PCDHGB1: variants seen among roughly 807,000 people sequenced by gnomAD.
PCDHGB1 encodes the protein protocadherin gamma subfamily B, 1.
Under a neutral mutation model 56.6 loss-of-function variants are expected in PCDHGB1, and 34 were observed. That is an observed-to-expected ratio of 0.60 (90% CI 0.46 to 0.80). The LOEUF (loss-of-function observed/expected upper bound fraction) is 0.80. PCDHGB1 is among the 30% of genes least tolerant of loss of function. PCDHGB1 has a pLI of 0.00. For missense variants in PCDHGB1, 1,278 were observed against 1,204.6 expected (o/e 1.06, Z -0.90); for synonymous variants, 561 against 505.9 (o/e 1.11, Z -1.46).
At chr5:141,480,525 A>G (rs191522157) in intron 1 of PCDHGB1, among the ~76,000 whole-genome samples, 131 of 152,310 alleles carry the variant, frequency 8.6e-4, no homozygotes, top group African/African-American at 2.6e-3. Context: ...AAAAATGACA[A>G]AGTAGAAGCA....
At chr5:141,399,739 C>T (rs774893843) in intron 1 of PCDHGB1, 2 of 1,613,218 alleles carry the variant, frequency 1.2e-6, no homozygotes, top group Non-Finnish European at 1.7e-6. Flanking sequence ...CTCGCCTGCG[C>T]TCAGCGCAAA....
intron 1 of PCDHGB1, among the ~76,000 whole-genome samples, chr5:141,482,791 G>T (rs1039924143): frequency 2.6e-5 from 4 of 152,168 alleles, no homozygotes; most frequent in African/African-American, 9.7e-5. Flanking sequence ...TGTGTGTGTG[G>T]CCGGGTACGG....
intron 3 of PCDHGB1, chr5:141,507,000 TGA>T (rs1235660361): frequency 1.3e-5 from 2 of 152,218 alleles, no homozygotes; most frequent in African/African-American, 4.8e-5. Flanking sequence ...ACTCGACAGA[TGA>T]GAGAACCGAG....
In PCDHGB1 at chr5:141,409,944, C is replaced by T. The variant is rs779095634; in HGVS notation, c.2409+57275C>T. The T allele has an allele frequency of 6.2e-7, 1 of 1,613,302 alleles. No individual in the cohort carries two copies. The highest frequency in any genetic ancestry group is 1.7e-5 in the Admixed American group (1 of 60,024). On this transcript the variant is annotated intron_variant, in intron 1 of 3. Transcript: ENST00000523390. ...GCGTTCTTCGATATGGTACCTCGCTCTGCAGAGCCCGGCTACCTAGTGACT... is the reference window on the plus strand; with the variant it reads ...GCGTTCTTCGATATGGTACCTCGCTTTGCAGAGCCCGGCTACCTAGTGACT...
At position 141,421,063 on chromosome 5, in the gene PCDHGB1, G is replaced by A. The variant is rs575695102; in HGVS notation, c.2409+68394G>A. 4.7e-4 allele frequency: 274 copies of A among 581,982 alleles called. 4 individuals are homozygous for A. The South Asian group carries it at 6.4e-3, about 14-fold the overall frequency. 36.1% of individuals were successfully genotyped at this position (581,982 alleles called of 1,614,324 possible). On this transcript the variant is annotated intron_variant, in intron 1 of 3. Transcript: ENST00000523390. ...CTCCCCCGCCTCTACCACACAAAGC[G>A]GAATGAGATGGATACTCACAGATCC... is the stretch of plus-strand genomic sequence containing the variant.
At chr5:141,375,047 C>T (rs201669950) in intron 1 of PCDHGB1, 1 of 1,613,958 alleles carries the variant, frequency 6.2e-7, no homozygotes, top group Non-Finnish European at 8.5e-7. Context: ...TGTTGAAGCC[C>T]GGGATGGGCC....
At chr5:141,435,919 T>C (rs2097786247) in intron 1 of PCDHGB1, among the ~76,000 whole-genome samples, 2 of 152,148 alleles carry the variant, frequency 1.3e-5, no homozygotes, top group South Asian at 4.1e-4. Flanking sequence ...GGCTCTAAAA[T>C]GCGGCAGTTG....
At chr5:141,438,282 T>C (rs915347472) in intron 1 of PCDHGB1, among the ~76,000 whole-genome samples, 1 of 151,630 alleles carries the variant, frequency 6.6e-6, no homozygotes, top group African/African-American at 2.4e-5. Context: ...CAAAATAATT[T>C]AATCTGTATG....
intron 1 of PCDHGB1, among the ~76,000 whole-genome samples, chr5:141,488,238 C>T (rs374846692): frequency 5.3e-5 from 8 of 152,036 alleles, no homozygotes; most frequent in Non-Finnish European, 1.0e-4. Flanking sequence ...GAACTAGATG[C>T]GGTAAATTGG....
intron 1 of PCDHGB1, chr5:141,394,355 G>C (rs767192511): frequency 4.3e-6 from 7 of 1,614,064 alleles, no homozygotes; most frequent in African/African-American, 1.3e-5. Context: ...CCGGTGTCCT[G>C]TATGCGCTGC....
chr5:141,422,568 C>T (rs372115955), intron 1 of PCDHGB1: 91 of 1,613,904 alleles, frequency 5.6e-5, no homozygotes, highest in Non-Finnish European at 7.5e-5. Flanking sequence ...CAGATGACAA[C>T]GATAACCCTC....
chr5:141,468,226 G>T (rs967204965), intron 1 of PCDHGB1, among the ~76,000 whole-genome samples: 2 of 151,038 alleles, frequency 1.3e-5, no homozygotes, highest in Admixed American at 1.3e-4. Flanking sequence ...TTGGGAGGAT[G>T]AGGTAGGAGA....
chr5:141,360,216 G>A (rs1471973434), intron 1 of PCDHGB1: 4 of 1,613,422 alleles, frequency 2.5e-6, no homozygotes, highest in Non-Finnish European at 3.4e-6. Flanking sequence ...TGTTCCCCGG[G>A]GCTCTCCCAG....
At position 141,486,464 on chromosome 5, in the gene PCDHGB1, G is replaced by A; in HGVS notation, c.2410-8343G>A. The A allele has an allele frequency of 1.2e-6, 2 of 1,614,034 alleles. No homozygotes were observed. Among genetic ancestry groups the A allele is most frequent in the Non-Finnish European group, 1.7e-6 (2 of 1,179,946 alleles). On this transcript the variant is annotated intron_variant, in intron 1 of 3. Transcript: ENST00000523390. This position sits in a 1 kb window ranked among gnomAD's most constrained non-coding sequence, Gnocchi z 5.0. ...CATCATGGTCACTGCTTCTGATGCTGGGAACCCTCCTCTCAGTACCCACAG... is the reference window on the plus strand; with the variant it reads ...CATCATGGTCACTGCTTCTGATGCTAGGAACCCTCCTCTCAGTACCCACAG...
At chr5:141,494,268 C>G (rs576129333) in intron 1 of PCDHGB1, among the ~76,000 whole-genome samples, 31 of 152,288 alleles carry the variant, frequency 2.0e-4, no homozygotes, top group African/African-American at 7.2e-4. Flanking sequence ...TTCTTGCAAG[C>G]CAAGGGCCCA....
intron 1 of PCDHGB1, chr5:141,360,166 G>C (rs909709535): frequency 3.1e-6 from 5 of 1,607,806 alleles, no homozygotes; most frequent in Non-Finnish European, 4.2e-6. Flanking sequence ...GTGCGGGCTG[G>C]TGCGGTGGCT....
chr5:141,437,076 A>T (rs1018228245), intron 1 of PCDHGB1, among the ~76,000 whole-genome samples: 2 of 152,236 alleles, frequency 1.3e-5, no homozygotes, highest in African/African-American at 4.8e-5. Context: ...TTTGGGCCAT[A>T]TAAGAATTGA....
rs756706355 is a variant in PCDHGB1 at position 141,486,950 on chromosome 5, G to A, written c.2410-7857G>A. On this transcript the variant is annotated intron_variant, in intron 1 of 3. Transcript: ENST00000523390. This position sits in a 1 kb window ranked among gnomAD's most constrained non-coding sequence, Gnocchi z 5.0. The stretch of plus-strand genomic sequence containing the variant: ...TGGTGCTGGCCACCTAATCACAAAG[G>A]TGACTGCTGTGGACTTGGATTCAGG... 2 of 1,614,202 alleles carry A rather than the reference G, an allele frequency of 1.2e-6. No homozygotes were observed. The highest frequency in any genetic ancestry group is 1.7e-6 in the Non-Finnish European group (2 of 1,180,044).
At chr5:141,408,615 T>A in intron 1 of PCDHGB1, 1 of 1,613,940 alleles carries the variant, frequency 6.2e-7, no homozygotes, top group Non-Finnish European at 8.5e-7. Flanking sequence ...AAAAAGGAAA[T>A]ACATTTAGAA....
Sources: allele counts gnomAD v4.1 joint callset (sites outside exome capture counted in the v4.1 genomes callset), GRCh38; gene constraint gnomAD v4.1.1; non-coding constraint Gnocchi (gnomAD v3.1); transcripts MANE v1.5; gene names NCBI Gene and HGNC (gene_info 2026-07-23, HGNC 2026-07-21).